Variants in IQCM observed in about 807,000 individuals in gnomAD.
The protein encoded by IQCM is IQ motif containing M.
In IQCM, 45 loss-of-function variants were observed where a neutral mutation model predicts 57.6. The ratio of observed to expected loss-of-function variants is 0.78; its 90% CI spans 0.62 to 1.00. The LOEUF is 1.00. Among genes scored for constraint, IQCM ranks in the 50% least tolerant of loss-of-function variants. The probability of loss-of-function intolerance (pLI) is 0.00; values close to 1 mark genes in which losing one functional copy is unlikely to be tolerated. For missense variants in IQCM, 468 were observed against 511.6 expected, an observed-to-expected ratio of 0.91 and a Z score of 0.82; for synonymous variants, 148 against 158.9, an observed-to-expected ratio of 0.93 and a Z score of 0.51.
At chr4:149,389,780 C>T (rs563317674) in intron 13 of IQCM, among the ~76,000 whole-genome samples, 135 of 151,604 alleles carry the variant, frequency 8.9e-4, no homozygotes, top group Non-Finnish European at 1.5e-3. Context: ...GTGGGTGCAG[C>T]GCACCAGCAT....
At chr4:149,773,351 C>CA (rs201942246) in intron 2 of IQCM, among the ~76,000 whole-genome samples, 20,840 of 119,356 alleles carry the variant, frequency 0.17, 1,618 homozygotes, top group East Asian at 0.33. Context: ...AACTCCGTCT[C>CA]AAAAAAAAAA....
intron 2 of IQCM, among the ~76,000 whole-genome samples, chr4:149,760,197 G>C (rs757473400): frequency 6.6e-6 from 1 of 151,982 alleles, no homozygotes; most frequent in Non-Finnish European, 1.5e-5. Context: ...AAGGCAATGG[G>C]TCTTACATCG....
At chr4:149,532,478 G>A (rs1746846403) in intron 12 of IQCM, among the ~76,000 whole-genome samples, 2 of 150,510 alleles carry the variant, frequency 1.3e-5, no homozygotes, top group African/African-American at 2.4e-5. Context: ...AAAGTTCTGA[G>A]AGGAGCATGC....
intron 5 of IQCM, among the ~76,000 whole-genome samples, chr4:149,721,840 C>G (rs1384128349): frequency 6.6e-6 from 1 of 152,090 alleles, no homozygotes; most frequent in Non-Finnish European, 1.5e-5. Context: ...AATGGTAGAT[C>G]TACTTTTAGT....
chr4:149,744,844 A>C (rs1767778155), intron 2 of IQCM, among the ~76,000 whole-genome samples: 1 of 152,198 alleles, frequency 6.6e-6, no homozygotes, highest in Non-Finnish European at 1.5e-5. Context: ...AAAAGCCAAA[A>C]ACATAAATCA....
chr4:149,743,527 A>G (rs1443482700), intron 2 of IQCM, among the ~76,000 whole-genome samples: 2 of 152,182 alleles, frequency 1.3e-5, no homozygotes, highest in African/African-American at 4.8e-5. Context: ...AAACAAAACT[A>G]TACTTTATAC....
At chr4:149,710,163 A>G (rs918001132) in intron 5 of IQCM, among the ~76,000 whole-genome samples, 3 of 152,122 alleles carry the variant, frequency 2.0e-5, no homozygotes, top group African/African-American at 7.2e-5. Context: ...CCCTATAAGT[A>G]AATAAAATCA....
intron 12 of IQCM, among the ~76,000 whole-genome samples, chr4:149,482,799 A>C (rs946835183): frequency 1.3e-5 from 2 of 151,156 alleles, no homozygotes; most frequent in Non-Finnish European, 3.0e-5. Context: ...CATATAATAA[A>C]TTTGGAAACA....
chr4:149,496,785 C>T (rs1374237066), intron 12 of IQCM, among the ~76,000 whole-genome samples: 1 of 152,162 alleles, frequency 6.6e-6, no homozygotes, highest in Non-Finnish European at 1.5e-5. Flanking sequence ...TGTAAGCTCA[C>T]TAATTTGCTC....
At chr4:149,705,915 TA>T (rs72347789) in intron 5 of IQCM, among the ~76,000 whole-genome samples, 84 of 148,556 alleles carry the variant, frequency 5.7e-4, no homozygotes, top group African/African-American at 9.4e-4. Context: ...AAGACACAAA[TA>T]AAAAAAAAAA....
At chr4:149,520,809 T>C (rs80106091) in intron 12 of IQCM, among the ~76,000 whole-genome samples, 6,988 of 152,140 alleles carry the variant, frequency 0.046, 376 homozygotes, top group African/African-American at 0.14. Flanking sequence ...ATATACCACA[T>C]ACCTGTAGAC....
At chr4:149,413,730 T>C (rs1156468515) in intron 13 of IQCM, among the ~76,000 whole-genome samples, 2 of 152,204 alleles carry the variant, frequency 1.3e-5, no homozygotes, top group Non-Finnish European at 2.9e-5. Flanking sequence ...ATATAGCTTA[T>C]TCACGTGCTT....
chr4:149,642,654 G>C (rs1247359962), intron 7 of IQCM, among the ~76,000 whole-genome samples: 1 of 152,078 alleles, frequency 6.6e-6, no homozygotes, highest in East Asian at 1.9e-4. Context: ...ATCCTCATTG[G>C]TTTAAAGTAC....
At chr4:149,450,815 A>G (rs1251614326) in intron 12 of IQCM, among the ~76,000 whole-genome samples, 1 of 151,814 alleles carries the variant, frequency 6.6e-6, no homozygotes, top group East Asian at 1.9e-4. Context: ...TCCTCAAAAA[A>G]ACTAAAAATA....
At chr4:149,592,151 C>T (rs953490368) in intron 8 of IQCM, among the ~76,000 whole-genome samples, 2 of 152,188 alleles carry the variant, frequency 1.3e-5, no homozygotes, top group Non-Finnish European at 2.9e-5. Flanking sequence ...GCCATTCTAA[C>T]TGGTGTCAGA....
chr4:149,512,179 T>C (rs1744493359), intron 12 of IQCM, among the ~76,000 whole-genome samples: 1 of 152,226 alleles, frequency 6.6e-6, no homozygotes, highest in Non-Finnish European at 1.5e-5. Context: ...TGAGCTCTAC[T>C]TCATGGGAAA....
intron 2 of IQCM, among the ~76,000 whole-genome samples, chr4:149,754,441 C>T (rs1768770372): frequency 6.6e-6 from 1 of 152,224 alleles, no homozygotes; most frequent in Non-Finnish European, 1.5e-5. Flanking sequence ...AAACATCTCT[C>T]TCATCCTCCA....
Position 149,742,499 on chromosome 4 carries a change from A to G in IQCM, c.37+156T>C, listed in dbSNP as rs1333382890. On this transcript the variant is annotated intron_variant, in intron 3 of 13. Transcript: ENST00000636793. Reference sequence around the variant, plus strand: ...CACAATAAGTTAAAAAGATCTCTCAAAAGTTGGTTATTTTTAAATAAAGGG... The same window carrying G: ...CACAATAAGTTAAAAAGATCTCTCAGAAGTTGGTTATTTTTAAATAAAGGG... Among the ~76,000 whole-genome samples, 3 of 152,124 alleles carry G rather than the reference A, an allele frequency of 2.0e-5. No homozygotes were observed. In the East Asian group the frequency reaches 5.8e-4, roughly 29 times the overall value.
chr4:149,599,069 C>T (rs952740687), intron 8 of IQCM, among the ~76,000 whole-genome samples: 3 of 152,086 alleles, frequency 2.0e-5, no homozygotes, highest in Non-Finnish European at 4.4e-5. Context: ...GTTAGGAGTG[C>T]TTGCCCTAGA....
Sources: gnomAD v4.1 joint callset for allele counts (sites outside exome capture counted in the v4.1 genomes callset) on GRCh38, gnomAD v4.1.1 for gene constraint, MANE v1.5 for transcripts, NCBI Gene and HGNC (gene_info 2026-07-23, HGNC 2026-07-21) for gene names.